The following SHROOM3 variants were observed in gnomAD, a reference collection of about 807,000 sequenced individuals.
The protein encoded by SHROOM3 is protein Shroom3.
A neutral mutation model predicts 138.6 loss-of-function variants in SHROOM3; 47 were observed. The ratio of observed to expected loss-of-function variants is 0.34; its 90% confidence interval spans 0.27 to 0.43. The LOEUF (loss-of-function observed/expected upper bound fraction) is 0.43, where lower values mean the gene tolerates loss of function less well. Ranked by LOEUF, SHROOM3 falls within the 20% of genes least tolerant of loss-of-function variation. SHROOM3 has a pLI of 1.00. For synonymous variants in SHROOM3, 1,062 were observed against 1,063.3 expected (o/e 1.00, Z 0.02); for missense variants, 2,491 against 2,596.5 (o/e 0.96, Z 0.88).
intron 5 of SHROOM3, among the ~76,000 whole-genome samples, chr4:76,746,840 G>A (rs1238960411): frequency 2.7e-5 from 4 of 149,064 alleles, no homozygotes; most frequent in Non-Finnish European, 4.4e-5. Flanking sequence ...ATTTTGAGAC[G>A]GAGTCTCGCT....
intron 10 of SHROOM3, 44 bp downstream of exon 10, chr4:76,770,942 C>G: frequency 6.2e-7 from 1 of 1,611,832 alleles, no homozygotes; most frequent in South Asian, 1.1e-5. Flanking sequence ...TCCCTCAAAG[C>G]CCACATACAT....
At chr4:76,497,405 G>A (rs1332439232) in intron 1 of SHROOM3, among the ~76,000 whole-genome samples, 1 of 152,118 alleles carries the variant, frequency 6.6e-6, no homozygotes, top group African/African-American at 2.4e-5. Flanking sequence ...CAAGAAAAAA[G>A]TAATAATAAA....
At chr4:76,532,031 A>G (rs916037055) in intron 1 of SHROOM3, among the ~76,000 whole-genome samples, 3 of 148,318 alleles carry the variant, frequency 2.0e-5, no homozygotes, top group Admixed American at 6.7e-5. Context: ...TACATTAGGT[A>G]TATCTCCTAA....
At position 76,458,143 on chromosome 4, in the gene SHROOM3, C is replaced by T. The variant is rs376319142; in HGVS notation, c.168+21923C>T. ...CTCAGTCTCTGACATTTCTTCATAG[C>T]AGTGCAAGAACGGACTAATACAACA... On this transcript the variant is annotated intron_variant, in intron 1 of 10. Transcript: ENST00000296043. Among the ~76,000 whole-genome samples the T allele has an allele frequency of 1.8e-4, 27 of 152,288 alleles. No homozygotes were observed. The East Asian group carries it at 5.0e-3, about 28-fold the overall frequency.
intron 2 of SHROOM3, among the ~76,000 whole-genome samples, chr4:76,614,809 C>T (rs1482797415): frequency 1.3e-5 from 2 of 152,186 alleles, no homozygotes; most frequent in Non-Finnish European, 1.5e-5. Flanking sequence ...TATAGGCCAA[C>T]CAAAACAAGC....
intron 2 of SHROOM3, among the ~76,000 whole-genome samples, chr4:76,672,123 A>G (rs1718901050): frequency 6.6e-6 from 1 of 152,176 alleles, no homozygotes. Flanking sequence ...ATTTCCATGA[A>G]GGACACAGTG....
chr4:76,535,915 C>T (rs995659725), intron 1 of SHROOM3, among the ~76,000 whole-genome samples: 5 of 152,112 alleles, frequency 3.3e-5, no homozygotes, highest in Non-Finnish European at 5.9e-5. Flanking sequence ...GAAGAATAAG[C>T]CACAGGCGGA....
intron 2 of SHROOM3, among the ~76,000 whole-genome samples, chr4:76,701,538 T>G (rs1719901250): frequency 6.6e-6 from 1 of 152,216 alleles, no homozygotes; most frequent in South Asian, 2.1e-4. Context: ...CCAAATGAAA[T>G]AATGTTTGGG....
At chr4:76,482,452 T>C (rs1372094216) in intron 1 of SHROOM3, among the ~76,000 whole-genome samples, 4 of 152,120 alleles carry the variant, frequency 2.6e-5, no homozygotes, top group Non-Finnish European at 5.9e-5. Flanking sequence ...TTACAAGGGA[T>C]GTGAAGGACC....
intron 1 of SHROOM3, among the ~76,000 whole-genome samples, chr4:76,501,429 A>G (rs1331737782): frequency 6.6e-6 from 1 of 152,156 alleles, no homozygotes; most frequent in African/African-American, 2.4e-5. Flanking sequence ...ATGCTAGGAG[A>G]ACCTTTTGTT....
Position 76,662,895 on chromosome 4 carries a change from G to A in SHROOM3, c.324-47261G>A, listed in dbSNP as rs117951676. On this transcript the variant is annotated intron_variant, in intron 2 of 10. Coordinates refer to ENST00000296043, the MANE Select transcript of SHROOM3 (RefSeq NM_020859.4). Reference sequence around the variant, plus strand: ...AGACCCTATCTGAGGGAGAGGGAGAGAGAGAGGTAGAGGGAGAGGGAGAGG... The same window carrying A: ...AGACCCTATCTGAGGGAGAGGGAGAAAGAGAGGTAGAGGGAGAGGGAGAGG... 4.5e-4 allele frequency among the ~76,000 whole-genome samples: 68 copies of A among 151,986 alleles called. No individual in the cohort carries two copies. In the East Asian group the frequency reaches 0.011, roughly 24 times the overall value.
At chr4:76,604,469 A>G (rs1049828897) in intron 2 of SHROOM3, among the ~76,000 whole-genome samples, 2 of 152,214 alleles carry the variant, frequency 1.3e-5, no homozygotes, top group Non-Finnish European at 2.9e-5. Flanking sequence ...ATAAAGACAC[A>G]TGATTGCTTT....
intron 6 of SHROOM3, among the ~76,000 whole-genome samples, chr4:76,751,047 T>G (rs1721606251): frequency 6.6e-6 from 1 of 152,174 alleles, no homozygotes; most frequent in Middle Eastern, 3.2e-3. Flanking sequence ...CAGGAAAACA[T>G]GGGAGGGACT....
At chr4:76,552,237 T>A (rs1035432306) in intron 1 of SHROOM3, among the ~76,000 whole-genome samples, 7 of 150,634 alleles carry the variant, frequency 4.6e-5, no homozygotes, top group Non-Finnish European at 7.4e-5. Flanking sequence ...CCAGGCACAG[T>A]GGCTCATGCC....
At chr4:76,543,485 G>A (rs1733149329) in intron 1 of SHROOM3, among the ~76,000 whole-genome samples, 1 of 151,854 alleles carries the variant, frequency 6.6e-6, no homozygotes, top group African/African-American at 2.4e-5. Context: ...GACAATATTT[G>A]TATCAGTCAG....
chr4:76,436,039 A>T lies in SHROOM3; in HGVS notation c.-14A>T. ...AGGCATTTTAAATTTAACTTGAGGG[A>T]TCATGTGTTTGGCATGATGAGGACC... On this transcript the variant is annotated 5_prime_UTR_variant, in exon 1 of 11. Transcript: ENST00000296043. 1 of 1,613,406 alleles carries T rather than the reference A, an allele frequency of 6.2e-7. No individual in the cohort carries two copies.
intron 1 of SHROOM3, among the ~76,000 whole-genome samples, chr4:76,439,082 AGT>A (rs1448361658): frequency 6.6e-5 from 10 of 152,202 alleles, no homozygotes; most frequent in Non-Finnish European, 1.5e-4. Flanking sequence ...AGCTAAAGTC[AGT>A]GTGTCAGCAG....
intron 5 of SHROOM3, among the ~76,000 whole-genome samples, chr4:76,747,288 T>G (rs1721470619): frequency 6.6e-6 from 1 of 152,228 alleles, no homozygotes; most frequent in Non-Finnish European, 1.5e-5. Context: ...ACTTTGTACT[T>G]CTTACCAATT....
chr4:76,766,845 C>T (rs1350327851), intron 9 of SHROOM3, among the ~76,000 whole-genome samples: 1 of 152,186 alleles, frequency 6.6e-6, no homozygotes, highest in Non-Finnish European at 1.5e-5. Flanking sequence ...CTGACGTGAC[C>T]ACTCAGTAAT....
Sources: gnomAD v4.1 joint callset for allele counts (sites outside exome capture counted in the v4.1 genomes callset) on GRCh38, gnomAD v4.1.1 for gene constraint, MANE v1.5 for transcripts, NCBI Gene and HGNC (gene_info 2026-07-23, HGNC 2026-07-21) for gene names.